Variants in ESPNL observed in about 807,000 individuals in gnomAD.
ESPNL encodes the protein espin-like protein.
ESPNL carries 49 observed loss-of-function variants against 46.8 expected under a neutral mutation model. The observed-to-expected ratio is 1.05, with a 90% CI of 0.83 to 1.33. The LOEUF is 1.33. Among genes scored for constraint, ESPNL ranks in the 40% most tolerant of loss-of-function variants. The pLI, the probability that ESPNL is intolerant of heterozygous loss-of-function variation, is 0.00. For synonymous variants in ESPNL, 664 were observed against 662.1 expected (o/e 1.00, Z -0.04); for missense variants, 1,540 against 1,436.6 (o/e 1.07, Z -1.16).
chr2:238,104,185 G>A (rs897981209), intron 2 of ESPNL, among the ~76,000 whole-genome samples: 1 of 152,078 alleles, frequency 6.6e-6, no homozygotes. Context: ...AAGCAGGCAC[G>A]AGCCCGAGAG....
chr2:238,126,897 GTGAT>G (rs1414613140), intron 6 of ESPNL, among the ~76,000 whole-genome samples: 2 of 151,490 alleles, frequency 1.3e-5, no homozygotes, highest in East Asian at 1.9e-4. Context: ...GTGTGATTGT[GTGAT>G]TGTGTGTGTA....
intron 4 of ESPNL, among the ~76,000 whole-genome samples, chr2:238,115,822 G>C (rs191011756): frequency 6.6e-6 from 1 of 152,324 alleles, no homozygotes; most frequent in Non-Finnish European, 1.5e-5. Flanking sequence ...AGAGGCGCCC[G>C]CCACCACGCC....
intron 4 of ESPNL, 64 bp downstream of exon 4, chr2:238,108,037 T>C: frequency 4.9e-6 from 7 of 1,428,864 alleles, no homozygotes; most frequent in Non-Finnish European, 6.7e-6. Flanking sequence ...CAGTGCTGTG[T>C]CACTGACCCT....
At chr2:238,108,637 G>A (rs947036401) in intron 4 of ESPNL, among the ~76,000 whole-genome samples, 3 of 152,142 alleles carry the variant, frequency 2.0e-5, no homozygotes, top group African/African-American at 7.2e-5. Context: ...GGTTCCCCAC[G>A]TTCTTCCAAA....
rs578070775 is a variant in ESPNL at position 238,126,042 on chromosome 2, TTATGTC to T, written c.1102+660_1102+665del. Among the ~76,000 whole-genome samples, 168 of 147,700 alleles carry T rather than the reference TTATGTC, an allele frequency of 1.1e-3. 1 individual carries two copies. Among genetic ancestry groups the T allele is most frequent in the South Asian group, 4.4e-3 (19 of 4,302 alleles). Reference sequence around the variant, plus strand: ...TGTCTGTGTCTGTGTGTCTGTGTGATTATGTCTGTGTGTATGTGTGTGATTGTTCAT... The same window carrying T: ...TGTCTGTGTCTGTGTGTCTGTGTGATTGTGTGTATGTGTGTGATTGTTCAT... On this transcript the variant is annotated intron_variant, in intron 6 of 8. Coordinates refer to ENST00000343063, the MANE Select transcript of ESPNL (RefSeq NM_194312.4).
chr2:238,127,314 GCAGAGCTGCGTTAGGGGCGGCCT>G, intron 6 of ESPNL: 1 of 1,179,676 alleles, frequency 8.5e-7, no homozygotes, highest in South Asian at 3.1e-5. Flanking sequence ...TTTGGGGCCT[GCAGAGCTGCGTTAGGGGCGGCCT>G]CAAGCCCTTC....
chr2:238,131,236 C>T lies in ESPNL; in HGVS notation c.2522C>T (p.Pro841Leu). 2.6e-6 allele frequency: 4 copies of T among 1,562,300 alleles called. No homozygotes were observed. The highest frequency in any genetic ancestry group is 3.5e-6 in the Non-Finnish European group (4 of 1,156,692). Residue 841 changes from proline to leucine, a missense_variant, in exon 9 of 9, where the codon CCC becomes CTC. Pro to Leu is a moderately conservative substitution (Grantham distance 98). Coordinates refer to ENST00000343063, the MANE Select transcript of ESPNL (RefSeq NM_194312.4). ...GCTTTGTCCCCCGAGCAGTTCCTGC[C>T]CCACGTGGACGGGGCTCCGGTGCCC... ...RGALSPEQFL[P>L]HVDGAPVPYS... is the part of the protein sequence containing the mutation.
chr2:238,129,680 T>C (rs577763275), intron 8 of ESPNL, among the ~76,000 whole-genome samples: 270 of 152,360 alleles, frequency 1.8e-3, no homozygotes, highest in Non-Finnish European at 2.6e-3. Context: ...TTGAGTTCTG[T>C]GCCCCCGGCC....
Position 238,130,352 on chromosome 2 carries a change from C to A in ESPNL, c.1638C>A (p.Val546=). 6.2e-7 allele frequency: 1 copy of A among 1,609,988 alleles called. No individual in the cohort carries two copies. The highest frequency in any genetic ancestry group is 1.1e-5 in the South Asian group (1 of 90,646). Residue 546 remains valine (V), a synonymous_variant, in exon 9 of 9, where the codon GTC becomes GTA. Coordinates refer to ENST00000343063, the MANE Select transcript of ESPNL (RefSeq NM_194312.4). ...ELQALLPEPL[V]SITVNSHFLP... is the part of the protein sequence containing the mutation. The stretch of plus-strand genomic sequence containing the variant: ...AGGCCCTGCTGCCCGAGCCCCTGGT[C>A]AGCATCACGGTCAACAGCCACTTCC...
At chr2:238,121,422 C>T (rs761596648) in intron 5 of ESPNL, among the ~76,000 whole-genome samples, 46 of 152,196 alleles carry the variant, frequency 3.0e-4, no homozygotes, top group Non-Finnish European at 7.4e-5. Context: ...GTTTTCTCAC[C>T]ACAGGGTCTC....
chr2:238,102,048 C>G lies in ESPNL; in HGVS notation c.402C>G (p.Thr134=), dbSNP rs779461445. ...LHEGHSATLE[T]REGARPLHHA... ...AGGGCCACTCGGCCACGCTAGAGAC[C>G]CGGGAGGGAGCCCGGCCGCTGCACC... Residue 134 remains threonine, a synonymous_variant, in exon 2 of 9, where the codon ACC becomes ACG. Transcript: ENST00000343063. 6.2e-7 allele frequency: 1 copy of G among 1,601,324 alleles called. No homozygotes were observed. The highest frequency in any genetic ancestry group is 1.3e-5 in the African/African-American group (1 of 74,640).
chr2:238,112,201 T>C (rs1691729584), intron 4 of ESPNL, among the ~76,000 whole-genome samples: 1 of 106,386 alleles, frequency 9.4e-6, no homozygotes, highest in African/African-American at 3.6e-5. Flanking sequence ...CTACTAGGGC[T>C]TTCTATTTTT....
At chr2:238,128,604 G>A in intron 7 of ESPNL, 103 bp from the exon 8 acceptor site, 1 of 1,129,322 alleles carries the variant, frequency 8.9e-7, no homozygotes, top group Admixed American at 2.3e-5. Context: ...CGCCCTGTTA[G>A]CGTGCCCTGG....
In ESPNL at chr2:238,131,093, G is replaced by A. The variant is rs1692317484; in HGVS notation, c.2379G>A (p.Arg793=). The stretch of plus-strand genomic sequence containing the variant: ...CCTCCCCGCCCAGCGAGGGCCCCCG[G>A]CTGGGCCACCTGTGGCAGCAGCGCA... The part of the protein sequence containing the change: ...GPPSPPSEGP[R]LGHLWQQRST... Residue 793 remains arginine, a synonymous_variant, in exon 9 of 9, where the codon CGG becomes CGA. Coordinates refer to ENST00000343063, the MANE Select transcript of ESPNL (RefSeq NM_194312.4). 1 of 1,542,406 alleles carries A rather than the reference G, an allele frequency of 6.5e-7. No individual in the cohort carries two copies. The highest frequency in any genetic ancestry group is 2.5e-5 in the East Asian group (1 of 40,812).
At position 238,107,788 on chromosome 2, in the gene ESPNL, C is replaced by A; in HGVS notation, c.673-3C>A. ...GCTGCTCCCTCTGCCCCTCCTTCCC[C>A]AGGTCACATTCACCGACATCGGACT... On this transcript the variant is annotated splice_region_variant and splice_polypyrimidine_tract_variant and intron_variant, in intron 3 of 8. Transcript: ENST00000343063. 6.3e-7 allele frequency: 1 copy of A among 1,580,514 alleles called. No individual in the cohort carries two copies. Among genetic ancestry groups the A allele is most frequent in the East Asian group, 2.3e-5 (1 of 43,156 alleles).
At chr2:238,109,424 G>A (rs1405948866) in intron 4 of ESPNL, among the ~76,000 whole-genome samples, 1 of 152,180 alleles carries the variant, frequency 6.6e-6, no homozygotes, top group Non-Finnish European at 1.5e-5. Context: ...TGTCATCACC[G>A]TGTGCAACCT....
At chr2:238,106,343 C>G (rs956563068) in intron 3 of ESPNL, among the ~76,000 whole-genome samples, 2 of 152,202 alleles carry the variant, frequency 1.3e-5, no homozygotes, top group East Asian at 1.9e-4. Flanking sequence ...CACCGTGTCC[C>G]CGGGCGCTCG....
chr2:238,127,523 C>G (rs1035768516), intron 6 of ESPNL, 99 bp from the exon 7 acceptor site: 4 of 1,457,642 alleles, frequency 2.7e-6, no homozygotes, highest in Non-Finnish European at 3.6e-6. Flanking sequence ...GCAGATCGTT[C>G]AGGAGGTCAG....
intron 4 of ESPNL, among the ~76,000 whole-genome samples, chr2:238,113,202 G>A (rs1019770950): frequency 6.6e-6 from 1 of 152,190 alleles, no homozygotes; most frequent in Non-Finnish European, 1.5e-5. Context: ...ATTTGATGGT[G>A]AAGCTTATTC....
Sources: gnomAD v4.1 joint callset for allele counts (sites outside exome capture counted in the v4.1 genomes callset) on GRCh38, gnomAD v4.1.1 for gene constraint, MANE v1.5 for transcripts, NCBI Gene and HGNC (gene_info 2026-07-23, HGNC 2026-07-21) for gene names.